Variants in OR6B1 observed in about 807,000 individuals in gnomAD.
The protein encoded by OR6B1 is olfactory receptor family 6 subfamily B member 1.
Under a neutral mutation model 15.4 loss-of-function variants are expected in OR6B1, and 15 were observed. The ratio of observed to expected loss-of-function variants is 0.97; its 90% CI spans 0.65 to 1.50. The LOEUF is 1.50. Ranked by LOEUF, OR6B1 falls within the 40% of genes most tolerant of loss-of-function variation. The probability of loss-of-function intolerance (pLI) is 0.00; values close to 1 mark genes in which losing one functional copy is unlikely to be tolerated. For missense variants in OR6B1, 384 were observed against 385.0 expected (o/e 1.00, Z 0.02); for synonymous variants, 139 against 144.9 (o/e 0.96, Z 0.29).
rs934991242 is a variant in OR6B1 at position 144,006,663 on chromosome 7, G to T, written c.*1731G>T. On this transcript the variant is annotated 3_prime_UTR_variant, in exon 2 of 2. Transcript: ENST00000641698. ...AAATATAATTGCATAGTCATATAGG[G>T]ATATTAAATGTGTGCATTAAGAAAG... 1 of 152,142 alleles carries T rather than the reference G, an allele frequency of 6.6e-6. No individual in the cohort carries two copies. The highest frequency in any genetic ancestry group is 1.5e-5 in the Non-Finnish European group (1 of 68,022). 9.4% of individuals were successfully genotyped at this position (152,142 alleles called of 1,614,324 possible).
At chr7:144,003,409 GAGGT>G (rs1482313794) in intron 1 of OR6B1, among the ~76,000 whole-genome samples, 1 of 152,182 alleles carries the variant, frequency 6.6e-6, no homozygotes, top group Non-Finnish European at 1.5e-5. Flanking sequence ...AGACTTGAAT[GAGGT>G]CCAGGAGGTC....
chr7:144,003,868 C>T (rs1040662058), intron 1 of OR6B1, 104 bp from the exon 2 acceptor site: 16 of 657,256 alleles, frequency 2.4e-5, no homozygotes, highest in Non-Finnish European at 3.1e-5. Flanking sequence ...ATGGTCTGAC[C>T]TGTAATATGT....
intron 1 of OR6B1, among the ~76,000 whole-genome samples, chr7:144,001,672 C>T (rs971745303): frequency 2.0e-5 from 3 of 152,124 alleles, no homozygotes; most frequent in African/African-American, 4.8e-5. Context: ...TGATCTGGTC[C>T]GTGACAACAG....
At chr7:144,000,894 C>A (rs1228031499) in intron 1 of OR6B1, among the ~76,000 whole-genome samples, 1 of 152,192 alleles carries the variant, frequency 6.6e-6, no homozygotes. Flanking sequence ...TGTGTGGGAT[C>A]AAAAATTAGT....
chr7:144,002,126 T>C (rs2050588493), intron 1 of OR6B1, among the ~76,000 whole-genome samples: 1 of 152,236 alleles, frequency 6.6e-6, no homozygotes, highest in South Asian at 2.1e-4. Flanking sequence ...TTCACTCTAG[T>C]GGTTAAGGAC....
intron 1 of OR6B1, among the ~76,000 whole-genome samples, chr7:144,002,789 A>C (rs1456349369): frequency 6.6e-6 from 1 of 151,990 alleles, no homozygotes; most frequent in Non-Finnish European, 1.5e-5. Context: ...GGGGTCCTGC[A>C]CCTTCTGGCC....
rs747867024 is a variant in OR6B1, at chr7:144,003,958, T to C, written c.-25-14T>C. On this transcript the variant is annotated splice_polypyrimidine_tract_variant and intron_variant, in intron 1 of 1. Transcript: ENST00000641698. Reference sequence around the variant, plus strand: ...TGGGCCATGGAGTCTGATCAAATGATTTTTCCTCCCCAGGAGAGCTAAGCC... The same window carrying C: ...TGGGCCATGGAGTCTGATCAAATGACTTTTCCTCCCCAGGAGAGCTAAGCC... 6.3e-6 allele frequency: 9 copies of C among 1,432,278 alleles called. No individual in the cohort carries two copies. The highest frequency in any genetic ancestry group is 2.3e-5 in the East Asian group (1 of 43,898). 88.7% of individuals were successfully genotyped at this position (1,432,278 alleles called of 1,614,324 possible).
chr7:144,002,151 G>A (rs887039226), intron 1 of OR6B1, among the ~76,000 whole-genome samples: 1 of 152,108 alleles, frequency 6.6e-6, no homozygotes, highest in Non-Finnish European at 1.5e-5. Context: ...CTTTGTAGTC[G>A]GACCTGGGCT....
At chr7:144,003,096 T>C (rs570983079) in intron 1 of OR6B1, among the ~76,000 whole-genome samples, 1 of 152,324 alleles carries the variant, frequency 6.6e-6, no homozygotes, top group Non-Finnish European at 1.5e-5. Context: ...CTCTCAAGAA[T>C]GTCAAATTCC....
At chr7:144,002,265 A>AT (rs1251074634) in intron 1 of OR6B1, among the ~76,000 whole-genome samples, 1 of 152,228 alleles carries the variant, frequency 6.6e-6, no homozygotes, top group Non-Finnish European at 1.5e-5. Context: ...AATTAACATT[A>AT]TTTTGTGGAT....
In OR6B1 at chr7:144,005,067, G is replaced by A. The variant is rs75018902; in HGVS notation, c.*135G>A. 4,118 of 647,302 alleles carry A rather than the reference G, an allele frequency of 6.4e-3. 152 individuals are homozygous for A. The African/African-American group carries it at 0.066, about 10-fold the overall frequency. The allele number at this position is 647,302 out of a possible 1,614,324, so 40.1% of individuals were successfully genotyped here. A position where few individuals can be genotyped will look rare whatever the true frequency, so the allele number is the denominator to read the frequency against. ...CACCATGTCTACTTCAATCTCAGGC[G>A]CTTGGGTATCTGCATCTGTGCATAT... On this transcript the variant is annotated 3_prime_UTR_variant, in exon 2 of 2. Coordinates refer to ENST00000641698, the MANE Select transcript of OR6B1 (RefSeq NM_001005281.3).
chr7:144,008,643 T>G lies in OR6B1; in HGVS notation c.*3711T>G, dbSNP rs2050641204. On this transcript the variant is annotated 3_prime_UTR_variant, in exon 2 of 2. Transcript: ENST00000641698. ...CAAGATCCGATGGTTTTAAAAGTGT[T>G]TGGCAGTTCCCCTCCCACTTTCTCT... The G allele has an allele frequency of 6.6e-6, 1 of 152,172 alleles. No individual in the cohort carries two copies. The highest frequency in any genetic ancestry group is 2.4e-5 in the African/African-American group (1 of 41,406). The allele number at this position is 152,172 out of a possible 1,614,324, so 9.4% of individuals were successfully genotyped here.
rs1193141155 is a variant in OR6B1, at chr7:144,005,953, CA to C, written c.*1022del. 1 of 152,210 alleles carries C rather than the reference CA, an allele frequency of 6.6e-6. No homozygotes were observed. Among genetic ancestry groups the C allele is most frequent in the Non-Finnish European group, 1.5e-5 (1 of 68,042 alleles). 9.4% of individuals were successfully genotyped at this position (152,210 alleles called of 1,614,324 possible). ...GCTTGCTCTTGGTTCATAGTTTTGC[CA>C]TTGGCAAAGGGAGATATATTTTTAA... On this transcript the variant is annotated 3_prime_UTR_variant, in exon 2 of 2. Transcript: ENST00000641698.
In OR6B1 at chr7:144,005,057, A is replaced by G. The variant is rs1859506; in HGVS notation, c.*125A>G. ...AATATGACATCACCATGTCTACTTC[A>G]ATCTCAGGCGCTTGGGTATCTGCAT... On this transcript the variant is annotated 3_prime_UTR_variant, in exon 2 of 2. Coordinates refer to ENST00000641698, the MANE Select transcript of OR6B1 (RefSeq NM_001005281.3). The G allele has an allele frequency of 0.38, 256,134 of 674,142 alleles. 52,029 individuals carry two copies. The highest frequency in any genetic ancestry group is 0.59 in the East Asian group (21,727 of 36,864). 41.8% of individuals were successfully genotyped at this position (674,142 alleles called of 1,614,324 possible).
rs2050630269 is a variant in OR6B1 at position 144,007,161 on chromosome 7, C to A, written c.*2229C>A. 2.0e-5 allele frequency: 3 copies of A among 152,002 alleles called. No individual in the cohort carries two copies. The South Asian group carries it at 6.2e-4, about 32-fold the overall frequency. 9.4% of individuals were successfully genotyped at this position (152,002 alleles called of 1,614,324 possible). On this transcript the variant is annotated 3_prime_UTR_variant, in exon 2 of 2. Coordinates refer to ENST00000641698, the MANE Select transcript of OR6B1 (RefSeq NM_001005281.3). ...TAGAAGTAGGGTTTCTTGGGGAATT[C>A]TATTAAATTTTTTTTTCAAATAACA...
At position 144,004,380 on chromosome 7, in the gene OR6B1, C is replaced by T. The variant is rs1307496827; in HGVS notation, c.384C>T (p.Arg128=). Reference sequence around the variant, plus strand: ...ATGACCGGTATGTGGCCATCTGTCGCCCACTCCACTACCCAACCATAATGA... The same window carrying T: ...ATGACCGGTATGTGGCCATCTGTCGTCCACTCCACTACCCAACCATAATGA... The part of the protein sequence containing the change: ...MAYDRYVAIC[R]PLHYPTIMSH... Residue 128 remains arginine, a synonymous_variant, in exon 2 of 2, where the codon CGC becomes CGT. Coordinates refer to ENST00000641698, the MANE Select transcript of OR6B1 (RefSeq NM_001005281.3). 2.5e-6 allele frequency: 4 copies of T among 1,614,074 alleles called. No individual in the cohort carries two copies. In the African/African-American group the frequency reaches 4.0e-5, roughly 16 times the overall value.
intron 1 of OR6B1, among the ~76,000 whole-genome samples, chr7:144,002,991 G>A (rs900217884): frequency 2.0e-5 from 3 of 152,096 alleles, no homozygotes; most frequent in Non-Finnish European, 4.4e-5. Context: ...TGTTGTGTCT[G>A]TTAACCTTCA....
At position 144,007,493 on chromosome 7, in the gene OR6B1, C is replaced by T. The variant is rs1488997847; in HGVS notation, c.*2561C>T. The stretch of plus-strand genomic sequence containing the variant: ...ATCACCATCCAAACTCATAAGGAAC[C>T]CCACAAAATAAAATATAAATATATA... On this transcript the variant is annotated 3_prime_UTR_variant, in exon 2 of 2. Coordinates refer to ENST00000641698, the MANE Select transcript of OR6B1 (RefSeq NM_001005281.3). The T allele has an allele frequency of 3.3e-5, 5 of 151,812 alleles. No individual in the cohort carries two copies. Among genetic ancestry groups the T allele is most frequent in the Admixed American group, 1.3e-4 (2 of 15,218 alleles). 9.4% of individuals were successfully genotyped at this position (151,812 alleles called of 1,614,324 possible).
In OR6B1 at chr7:144,005,065, G is replaced by A; in HGVS notation, c.*133G>A. ...ATCACCATGTCTACTTCAATCTCAG[G>A]CGCTTGGGTATCTGCATCTGTGCAT... On this transcript the variant is annotated 3_prime_UTR_variant, in exon 2 of 2. Transcript: ENST00000641698. The A allele has an allele frequency of 1.5e-6, 1 of 650,608 alleles. No individual in the cohort carries two copies. The highest frequency in any genetic ancestry group is 2.6e-6 in the Non-Finnish European group (1 of 383,080). 40.3% of individuals were successfully genotyped at this position (650,608 alleles called of 1,614,324 possible). A position where few individuals can be genotyped will look rare whatever the true frequency, so the allele number is the denominator to read the frequency against.
Sources: allele counts gnomAD v4.1 joint callset (sites outside exome capture counted in the v4.1 genomes callset), GRCh38; gene constraint gnomAD v4.1.1; transcripts MANE v1.5; gene names NCBI Gene and HGNC (gene_info 2026-07-23, HGNC 2026-07-21).